HMGCLL1: variants seen among roughly 807,000 people sequenced by gnomAD.
The protein encoded by HMGCLL1 is 3-hydroxy-3-methylglutaryl-CoA lyase like 1, also known as 3-hydroxymethyl-3-methylglutaryl-CoA lyase, cytoplasmic.
Under a neutral mutation model 39.1 loss-of-function variants are expected in HMGCLL1, and 36 were observed. That is an observed-to-expected ratio of 0.92 (90% confidence interval 0.71 to 1.22). The LOEUF is 1.22. Among genes scored for constraint, HMGCLL1 ranks in the 50% most tolerant of loss-of-function variants. The probability of loss-of-function intolerance (pLI) is 0.00; values close to 1 mark genes in which losing one functional copy is unlikely to be tolerated. For missense variants in HMGCLL1, 451 were observed against 416.5 expected (o/e 1.08, Z -0.72); for synonymous variants, 149 against 144.0 (o/e 1.03, Z -0.25).
intron 3 of HMGCLL1, among the ~76,000 whole-genome samples, chr6:55,531,963 T>G (rs907321162): frequency 3.9e-5 from 6 of 152,064 alleles, no homozygotes; most frequent in African/African-American, 1.4e-4. Context: ...AATGTATTAA[T>G]AATAGGAAAA....
the HMGCLL1 span, among the ~76,000 whole-genome samples, chr6:55,635,444 T>A: frequency 2.6e-5 from 4 of 151,888 alleles, no homozygotes; most frequent in East Asian, 3.9e-4. Context: ...AAAAAAAAAA[T>A]TCTTTTATTT....
the HMGCLL1 span, among the ~76,000 whole-genome samples, chr6:55,644,011 C>T: frequency 2.6e-5 from 4 of 152,014 alleles, no homozygotes; most frequent in Non-Finnish European, 5.9e-5. Flanking sequence ...TACTAATTTA[C>T]ATTCCTCCCA....
intron 3 of HMGCLL1, among the ~76,000 whole-genome samples, chr6:55,522,521 A>C (rs1189850845): frequency 6.6e-6 from 1 of 151,984 alleles, no homozygotes; most frequent in Non-Finnish European, 1.5e-5. Context: ...TAAGGAACTG[A>C]GAGTTCCTAT....
intron 7 of HMGCLL1, among the ~76,000 whole-genome samples, chr6:55,472,354 A>G (rs1287730172): frequency 6.6e-6 from 1 of 151,570 alleles, no homozygotes; most frequent in Non-Finnish European, 1.5e-5. Context: ...GTTTTAATTT[A>G]CATTTCTCTG....
At chr6:55,502,679 G>T (rs1766950524) in intron 5 of HMGCLL1, among the ~76,000 whole-genome samples, 1 of 146,076 alleles carries the variant, frequency 6.8e-6, no homozygotes. Flanking sequence ...GTTTCATTTT[G>T]TCAAATACTA....
intron 7 of HMGCLL1, among the ~76,000 whole-genome samples, chr6:55,441,701 G>GT (rs112814986): frequency 6.6e-6 from 1 of 151,630 alleles, no homozygotes. Context: ...GTTTTATTTT[G>GT]TTTTTTTGAG....
chr6:55,641,328 G>A, the HMGCLL1 span, among the ~76,000 whole-genome samples: 5 of 151,946 alleles, frequency 3.3e-5, no homozygotes, highest in Middle Eastern at 3.4e-3. Flanking sequence ...ATGAATTAGA[G>A]CAGCAACAGG....
the HMGCLL1 span, among the ~76,000 whole-genome samples, chr6:55,631,865 C>T: frequency 6.6e-6 from 1 of 151,976 alleles, no homozygotes; most frequent in Non-Finnish European, 1.5e-5. Flanking sequence ...AGGTCTGACT[C>T]TGATAATGTA....
the HMGCLL1 span, among the ~76,000 whole-genome samples, chr6:55,614,307 A>G: frequency 6.6e-6 from 1 of 152,100 alleles, no homozygotes; most frequent in Non-Finnish European, 1.5e-5. Context: ...TAGTGACCTA[A>G]TAAGAAGAAC....
rs2127481373 is a variant in HMGCLL1 at position 55,579,149 on chromosome 6, G to A, written c.-94C>T. 1.1e-6 allele frequency: 1 copy of A among 935,816 alleles called. No individual in the cohort carries two copies. Among genetic ancestry groups the A allele is most frequent in the East Asian group, 2.6e-5 (1 of 38,118 alleles). 58.0% of individuals were successfully genotyped at this position (935,816 alleles called of 1,614,324 possible). ...TGGGAAACTGCGCCAGCTCGGGAGC[G>A]CGCCCCTCCGGTGCACTGGCTGTGA... On this transcript the variant is annotated 5_prime_UTR_variant, in exon 1 of 9. Transcript: ENST00000274901.
At chr6:55,480,146 C>A (rs1765660051) in intron 7 of HMGCLL1, among the ~76,000 whole-genome samples, 1 of 151,470 alleles carries the variant, frequency 6.6e-6, no homozygotes, top group South Asian at 2.1e-4. Context: ...TAAGGGATTT[C>A]ATCTGCTTAA....
the HMGCLL1 span, among the ~76,000 whole-genome samples, chr6:55,630,166 G>A: frequency 6.6e-6 from 1 of 152,160 alleles, no homozygotes. Context: ...CAAACCCACA[G>A]GGGTGGAGCT....
At chr6:55,532,980 G>A (rs4283891) in intron 3 of HMGCLL1, among the ~76,000 whole-genome samples, 97,986 of 151,016 alleles carry the variant, frequency 0.65, 32,066 homozygotes, top group Admixed American at 0.71. Flanking sequence ...GGTAACAGTA[G>A]CAATGATTTA....
At chr6:55,573,420 G>A (rs1344396266) in intron 1 of HMGCLL1, among the ~76,000 whole-genome samples, 1 of 152,140 alleles carries the variant, frequency 6.6e-6, no homozygotes, top group Non-Finnish European at 1.5e-5. Flanking sequence ...TCAGACATGG[G>A]ATCTAAAATA....
chr6:55,450,117 G>A (rs1416693916), intron 7 of HMGCLL1, among the ~76,000 whole-genome samples: 1 of 152,160 alleles, frequency 6.6e-6, no homozygotes, highest in East Asian at 1.9e-4. Flanking sequence ...GTTAATGAAA[G>A]AGACAAGGAG....
chr6:55,622,659 G>A, the HMGCLL1 span, among the ~76,000 whole-genome samples: 149 of 152,048 alleles, frequency 9.8e-4, no homozygotes, highest in Non-Finnish European at 1.6e-3. Context: ...AATTTAGTTT[G>A]CTACTGTTTT....
chr6:55,616,023 T>G, the HMGCLL1 span, among the ~76,000 whole-genome samples: 2 of 152,110 alleles, frequency 1.3e-5, no homozygotes, highest in African/African-American at 4.8e-5. Flanking sequence ...AGAGAAAATA[T>G]TTATATAATA....
chr6:55,464,871 T>C (rs1448418122), intron 7 of HMGCLL1, among the ~76,000 whole-genome samples: 2 of 152,190 alleles, frequency 1.3e-5, no homozygotes, highest in Non-Finnish European at 2.9e-5. Flanking sequence ...TGTTCTAAAA[T>C]GTGTCTTGTT....
chr6:55,556,322 G>C (rs1320332401), intron 1 of HMGCLL1, among the ~76,000 whole-genome samples: 2 of 152,120 alleles, frequency 1.3e-5, no homozygotes, highest in Admixed American at 6.5e-5. Context: ...ATTGTGTTTT[G>C]AGCAAAGAAT....
Sources: allele counts gnomAD v4.1 joint callset (sites outside exome capture counted in the v4.1 genomes callset), GRCh38; gene constraint gnomAD v4.1.1; transcripts MANE v1.5; gene names NCBI Gene and HGNC (gene_info 2026-07-23, HGNC 2026-07-21).